Variants in FER observed in about 807,000 individuals in gnomAD.
The protein encoded by FER is tyrosine-protein kinase Fer.
A neutral mutation model predicts 111.0 loss-of-function variants in FER; 63 were observed. That is an observed-to-expected ratio of 0.57 (90% CI 0.46 to 0.70). FER has a LOEUF of 0.70. Ranked by LOEUF, FER falls within the 30% of genes least tolerant of loss-of-function variation. The pLI, the probability that FER is intolerant of heterozygous loss-of-function variation, is 0.00. For synonymous variants in FER, 327 were observed against 313.9 expected (o/e 1.04, Z -0.44); for missense variants, 914 against 954.0 (o/e 0.96, Z 0.55).
intron 11 of FER, among the ~76,000 whole-genome samples, chr5:108,952,798 C>T (rs543466253): frequency 1.3e-5 from 2 of 151,978 alleles, no homozygotes; most frequent in Non-Finnish European, 2.9e-5. Context: ...ATTAGTTCAT[C>T]GAACTCTGTT....
chr5:108,889,419 C>T (rs1747680174), intron 9 of FER, among the ~76,000 whole-genome samples: 1 of 151,746 alleles, frequency 6.6e-6, no homozygotes, highest in Non-Finnish European at 1.5e-5. Context: ...CACTGGAGGT[C>T]ATTATGTTAA....
chr5:108,834,766 A>G (rs1476059204), intron 4 of FER, among the ~76,000 whole-genome samples: 2 of 151,008 alleles, frequency 1.3e-5, no homozygotes, highest in African/African-American at 2.4e-5. Flanking sequence ...TTAACCAGTG[A>G]GTTTTTTCTT....
At chr5:108,801,026 G>A (rs761452599) in intron 3 of FER, among the ~76,000 whole-genome samples, 2 of 152,134 alleles carry the variant, frequency 1.3e-5, no homozygotes, top group African/African-American at 2.4e-5. Flanking sequence ...CAGCCTGGGC[G>A]ACAGAGCAAG....
intron 17 of FER, among the ~76,000 whole-genome samples, chr5:109,136,274 C>T (rs1752883285): frequency 6.6e-6 from 1 of 151,322 alleles, no homozygotes; most frequent in African/African-American, 2.4e-5. Context: ...GCCTGGGTGA[C>T]AGAACTAGAC....
Position 108,897,571 on chromosome 5 carries a change from A to G in FER, c.1047-88A>G, listed in dbSNP as rs943280225. On this transcript the variant is annotated intron_variant, in intron 9 of 19. Transcript: ENST00000281092. ...TTCTAAAGGGCTCTTATAAAAATGA[A>G]ATCAAAGAAAAGCATAATTTACATA... 41 of 971,112 alleles carry G rather than the reference A, an allele frequency of 4.2e-5. No individual in the cohort carries two copies. The African/African-American group carries it at 6.1e-4, about 14-fold the overall frequency. The allele number at this position is 971,112 out of a possible 1,614,324, so 60.2% of individuals were successfully genotyped here. A position where few individuals can be genotyped will look rare whatever the true frequency, so the allele number is the denominator to read the frequency against.
intron 2 of FER, among the ~76,000 whole-genome samples, chr5:108,794,614 CTTTA>C (rs758588939): frequency 3.8e-4 from 54 of 142,826 alleles, no homozygotes; most frequent in Non-Finnish European, 7.5e-4. Context: ...TTGGGAACAT[CTTTA>C]TTTCTCATTT....
At chr5:109,163,894 T>C (rs1190518686) in intron 17 of FER, among the ~76,000 whole-genome samples, 31 of 152,190 alleles carry the variant, frequency 2.0e-4, no homozygotes, top group Admixed American at 2.0e-3. Flanking sequence ...AGACAATAAC[T>C]TCATGGCAGT....
chr5:108,843,731 G>T (rs1421515177), intron 5 of FER, among the ~76,000 whole-genome samples: 2 of 151,960 alleles, frequency 1.3e-5, no homozygotes, highest in African/African-American at 4.8e-5. Flanking sequence ...GTTTCACCAT[G>T]TTGGCCAGGA....
rs935552058 is a variant in FER, at chr5:109,047,016, G to T, written c.1830-88G>T. Reference sequence around the variant, plus strand: ...TTAAAAATTGAATTATGATTCAAGAGTATTCTAGTTGTAAACCCTATTTGT... The same window carrying T: ...TTAAAAATTGAATTATGATTCAAGATTATTCTAGTTGTAAACCCTATTTGT... On this transcript the variant is annotated intron_variant, in intron 15 of 19. Transcript: ENST00000281092. The T allele has an allele frequency of 7.8e-6, 5 of 638,018 alleles. No homozygotes were observed. In the African/African-American group the frequency reaches 9.7e-5, roughly 12 times the overall value. 39.5% of individuals were successfully genotyped at this position (638,018 alleles called of 1,614,324 possible). A position where few individuals can be genotyped will look rare whatever the true frequency, so the allele number is the denominator to read the frequency against.
At chr5:109,045,906 C>T (rs1337310217) in intron 15 of FER, among the ~76,000 whole-genome samples, 1 of 152,174 alleles carries the variant, frequency 6.6e-6, no homozygotes, top group Non-Finnish European at 1.5e-5. Context: ...CCAGTCAGCC[C>T]TATTTGTTCT....
At chr5:108,988,908 T>G (rs1160428470) in intron 13 of FER, among the ~76,000 whole-genome samples, 1 of 152,170 alleles carries the variant, frequency 6.6e-6, no homozygotes, top group Non-Finnish European at 1.5e-5. Flanking sequence ...TTCAGACTTT[T>G]TGATGTAGAC....
intron 14 of FER, among the ~76,000 whole-genome samples, chr5:109,040,952 G>A (rs1187484310): frequency 1.3e-5 from 2 of 152,084 alleles, no homozygotes; most frequent in Non-Finnish European, 2.9e-5. Flanking sequence ...AGGGACAAGA[G>A]CCCAGAGTTC....
intron 3 of FER, among the ~76,000 whole-genome samples, chr5:108,822,975 A>T (rs531969766): frequency 6.6e-6 from 1 of 151,774 alleles, no homozygotes; most frequent in South Asian, 2.1e-4. Flanking sequence ...GGTTCAAGTG[A>T]TTCTCCTGCC....
At chr5:109,058,708 T>TTTTCTTTCTTTCTTTC (rs1198963702) in intron 16 of FER, among the ~76,000 whole-genome samples, 1 of 144,468 alleles carries the variant, frequency 6.9e-6, no homozygotes, top group African/African-American at 2.6e-5. Flanking sequence ...TTCTTTTTCT[T>TTTTCTTTCTTTCTTTC]TTTCTTTCTT....
intron 16 of FER, chr5:109,052,174 T>C: frequency 6.2e-7 from 1 of 1,609,114 alleles, no homozygotes; most frequent in East Asian, 2.2e-5. Flanking sequence ...ATAGAACACA[T>C]GAGCCAGGTA....
intron 5 of FER, chr5:108,836,063 G>A (rs1224755375): frequency 5.4e-6 from 1 of 184,690 alleles, no homozygotes; most frequent in African/African-American, 2.3e-5. Flanking sequence ...TTGAAGGGAT[G>A]TTTAAAATTT....
intron 16 of FER, chr5:109,052,332 C>G: frequency 6.2e-7 from 1 of 1,602,068 alleles, no homozygotes; most frequent in Non-Finnish European, 8.6e-7. Flanking sequence ...CCCAGGCTGA[C>G]TCAACCACTG....
intron 10 of FER, among the ~76,000 whole-genome samples, chr5:108,943,072 TAAC>T (rs1157022329): frequency 2.6e-5 from 4 of 152,290 alleles, no homozygotes; most frequent in African/African-American, 9.6e-5. Context: ...GACCCGTTAT[TAAC>T]AACAACAGTA....
intron 1 of FER, among the ~76,000 whole-genome samples, chr5:108,751,173 C>G (rs1042408989): frequency 7.2e-5 from 11 of 152,040 alleles, no homozygotes; most frequent in African/African-American, 2.4e-4. Flanking sequence ...GCCTAGGTAA[C>G]AAGACCGAAA....
Sources: gnomAD v4.1 joint callset for allele counts (sites outside exome capture counted in the v4.1 genomes callset) on GRCh38, gnomAD v4.1.1 for gene constraint, MANE v1.5 for transcripts, NCBI Gene and HGNC (gene_info 2026-07-23, HGNC 2026-07-21) for gene names.